Variants in UBE2E2 observed in about 807,000 individuals in gnomAD.
UBE2E2 encodes ubiquitin conjugating enzyme E2 E2, also known as ubiquitin-conjugating enzyme E2 E2.
In UBE2E2, 6 loss-of-function variants were observed where a neutral mutation model predicts 24.7. The ratio of observed to expected loss-of-function variants is 0.24; its 90% CI spans 0.13 to 0.48. The LOEUF is 0.48. Among genes scored for constraint, UBE2E2 ranks in the 20% least tolerant of loss-of-function variants. UBE2E2 has a pLI of 0.99. For missense variants in UBE2E2, 169 were observed against 245.0 expected, an observed-to-expected ratio of 0.69 and a Z score of 2.07; for synonymous variants, 104 against 83.6, an observed-to-expected ratio of 1.24 and a Z score of -1.33.
chr3:23,317,405 C>G (rs936316499), intron 3 of UBE2E2, among the ~76,000 whole-genome samples: 4 of 152,182 alleles, frequency 2.6e-5, no homozygotes, highest in Admixed American at 6.5e-5. Flanking sequence ...TTGGTGTGCT[C>G]TCCGTCCCCC....
intron 1 of UBE2E2, among the ~76,000 whole-genome samples, chr3:23,203,669 A>T (rs1405113663): frequency 3.7e-5 from 2 of 54,516 alleles, no homozygotes; most frequent in Admixed American, 2.7e-4. Context: ...CGCCCTTTCT[A>T]CCCCTCCCCC....
intron 3 of UBE2E2, among the ~76,000 whole-genome samples, chr3:23,230,605 T>C (rs1696948786): frequency 6.6e-6 from 1 of 151,824 alleles, no homozygotes; most frequent in African/African-American, 2.4e-5. Context: ...ACGAACATGG[T>C]GAAACCCCGT....
intron 3 of UBE2E2, among the ~76,000 whole-genome samples, chr3:23,379,215 C>T (rs1171735968): frequency 6.6e-6 from 1 of 151,218 alleles, no homozygotes; most frequent in African/African-American, 2.4e-5. Flanking sequence ...CATGTTTCTT[C>T]AAGATTATGT....
At chr3:23,328,628 T>TTA (rs1694974255) in intron 3 of UBE2E2, among the ~76,000 whole-genome samples, 1 of 152,052 alleles carries the variant, frequency 6.6e-6, no homozygotes, top group Non-Finnish European at 1.5e-5. Flanking sequence ...CATCTGTAGA[T>TTA]TCATTTAGCT....
chr3:23,458,452 C>G (rs1363065070), intron 3 of UBE2E2, among the ~76,000 whole-genome samples: 1 of 138,354 alleles, frequency 7.2e-6, no homozygotes, highest in Non-Finnish European at 1.5e-5. Context: ...GACGGAGTCT[C>G]TATCGCCCAG....
intron 3 of UBE2E2, among the ~76,000 whole-genome samples, chr3:23,485,061 A>G (rs1161317826): frequency 6.6e-6 from 1 of 151,694 alleles, no homozygotes; most frequent in Non-Finnish European, 1.5e-5. Flanking sequence ...AATCATAGAA[A>G]AGTTTTTAAG....
intron 3 of UBE2E2, among the ~76,000 whole-genome samples, chr3:23,299,427 A>G (rs1239982329): frequency 6.6e-6 from 1 of 152,010 alleles, no homozygotes. Context: ...ATTTAGTGCT[A>G]TAAATTTCCC....
intron 5 of UBE2E2, among the ~76,000 whole-genome samples, chr3:23,564,290 A>G (rs1696009741): frequency 1.3e-5 from 2 of 152,202 alleles, no homozygotes; most frequent in South Asian, 4.1e-4. Flanking sequence ...GCATATTTAC[A>G]TTGGAAACAA....
chr3:23,586,794 T>C (rs940900105), intron 5 of UBE2E2, among the ~76,000 whole-genome samples: 2 of 152,244 alleles, frequency 1.3e-5, no homozygotes, highest in East Asian at 3.9e-4. Flanking sequence ...ATTCAGGTAT[T>C]AGAAATGATG....
At chr3:23,362,989 A>G (rs536478046) in intron 3 of UBE2E2, among the ~76,000 whole-genome samples, 1 of 152,376 alleles carries the variant, frequency 6.6e-6, no homozygotes, top group Non-Finnish European at 1.5e-5. Context: ...TGGGGGGTCT[A>G]TATTCAGCAT....
In UBE2E2 at chr3:23,299,659, T is replaced by A. The variant is rs186464745; in HGVS notation, c.227+82347T>A. 4.6e-3 allele frequency among the ~76,000 whole-genome samples: 702 copies of A among 152,344 alleles called. 3 individuals carry two copies. Among genetic ancestry groups the A allele is most frequent in the African/African-American group, 0.016 (658 of 41,578 alleles). On this transcript the variant is annotated intron_variant, in intron 3 of 5. Transcript: ENST00000396703. ...CTGTGGTCTGAGAGGCAGTTTGTTG[T>A]AATTTCTGTTCTTTTGCATTTGCTG...
chr3:23,563,607 A>G (rs62256975), intron 5 of UBE2E2, among the ~76,000 whole-genome samples: 34,432 of 151,962 alleles, frequency 0.23, 3,973 homozygotes, highest in Non-Finnish European at 0.26. Flanking sequence ...TCAGCAAGTC[A>G]TGTTATTTTC....
intron 5 of UBE2E2, among the ~76,000 whole-genome samples, chr3:23,578,135 G>C (rs1575720448): frequency 6.6e-6 from 1 of 151,580 alleles, no homozygotes; most frequent in African/African-American, 2.4e-5. Flanking sequence ...GACATGAACA[G>C]ACACTTCTCA....
At position 23,208,835 on chromosome 3, in the gene UBE2E2, T is replaced by C. The variant is rs1226423309; in HGVS notation, c.136T>C (p.Ser46Pro). Residue 46 changes from serine to proline, a missense_variant, in exon 2 of 6, where the codon TCC becomes CCC. Coordinates refer to ENST00000396703, the MANE Select transcript of UBE2E2 (RefSeq NM_152653.4). ...VQPKKKEGKI[S>P]SKTAAKLSTS... ...GCCCAAGAAAAAGGAGGGAAAAATA[T>C]CCAGCAAAACCGCTGCTAAATTGTC... The C allele has an allele frequency of 1.2e-6, 2 of 1,613,230 alleles. No homozygotes were observed. Among genetic ancestry groups the C allele is most frequent in the African/African-American group, 1.3e-5 (1 of 74,898 alleles).
chr3:23,204,984 G>C (rs1696108014), intron 1 of UBE2E2, among the ~76,000 whole-genome samples: 1 of 152,156 alleles, frequency 6.6e-6, no homozygotes, highest in Non-Finnish European at 1.5e-5. Flanking sequence ...CCTTTATGTA[G>C]TCAGTAATAT....
chr3:23,494,197 T>C (rs1699556672), intron 3 of UBE2E2, among the ~76,000 whole-genome samples: 1 of 152,156 alleles, frequency 6.6e-6, no homozygotes. Context: ...GATTAAAAGA[T>C]TTCTTTCTCA....
chr3:23,506,647 A>G (rs976020338), intron 4 of UBE2E2, among the ~76,000 whole-genome samples: 2 of 152,018 alleles, frequency 1.3e-5, no homozygotes, highest in South Asian at 2.1e-4. Context: ...AGTACACCCC[A>G]TATGCTGAAA....
At chr3:23,219,709 CCT>C (rs1183776195) in intron 3 of UBE2E2, among the ~76,000 whole-genome samples, 1 of 152,162 alleles carries the variant, frequency 6.6e-6, no homozygotes, top group African/African-American at 2.4e-5. Context: ...TTGTGGATTA[CCT>C]CTCCTATCAC....
intron 4 of UBE2E2, among the ~76,000 whole-genome samples, chr3:23,508,515 C>G (rs987305501): frequency 6.6e-6 from 1 of 152,154 alleles, no homozygotes; most frequent in Non-Finnish European, 1.5e-5. Context: ...ATTATTGTCT[C>G]CTGAGATGCT....
Sources: allele counts gnomAD v4.1 joint callset (sites outside exome capture counted in the v4.1 genomes callset), GRCh38; gene constraint gnomAD v4.1.1; transcripts MANE v1.5; gene names NCBI Gene and HGNC (gene_info 2026-07-23, HGNC 2026-07-21).